The following SLC5A4 variants were observed in gnomAD, a reference collection of about 807,000 sequenced individuals.
The protein encoded by SLC5A4 is solute carrier family 5 member 4.
SLC5A4 carries 55 observed loss-of-function variants against 70.3 expected under a neutral mutation model. The observed-to-expected ratio is 0.78, with a 90% CI of 0.63 to 0.98. The LOEUF (loss-of-function observed/expected upper bound fraction) is 0.98. Among genes scored for constraint, SLC5A4 ranks in the 50% least tolerant of loss-of-function variants. SLC5A4 has a pLI of 0.00. For missense variants in SLC5A4, 735 were observed against 839.2 expected (o/e 0.88, Z 1.53); for synonymous variants, 268 against 305.7 (o/e 0.88, Z 1.29).
chr22:32,255,107 G>T (rs1357506419), intron 1 of SLC5A4, 88 bp downstream of exon 1: 1 of 1,234,314 alleles, frequency 8.1e-7, no homozygotes, highest in Non-Finnish European at 1.2e-6. Context: ...TTTGTGAAAA[G>T]CTTTGTCACA....
the SLC5A4 span, among the ~76,000 whole-genome samples, chr22:32,305,046 C>T: frequency 1.3e-4 from 19 of 151,870 alleles, no homozygotes; most frequent in Middle Eastern, 3.4e-3. Context: ...TTATGTAGGT[C>T]TATTTCTGGG....
chr22:32,236,056 C>T (rs1164228604), intron 7 of SLC5A4, among the ~76,000 whole-genome samples: 1 of 152,132 alleles, frequency 6.6e-6, no homozygotes, highest in East Asian at 1.9e-4. Context: ...CTTAGAGACC[C>T]TAATGCCAGA....
upstream of SLC5A4, among the ~76,000 whole-genome samples, chr22:32,257,659 C>CTTTTTTTTTTT (rs58908133): frequency 0.019 from 2,631 of 141,836 alleles, 81 homozygotes; most frequent in African/African-American, 0.059. Flanking sequence ...GCAAGGTTTT[C>CTTTTTTTTTTT]TTTTTTTTTT....
chr22:32,262,748 G>A, the SLC5A4 span, among the ~76,000 whole-genome samples: 349 of 152,162 alleles, frequency 2.3e-3, 1 homozygote, highest in African/African-American at 5.9e-3. Context: ...ATAAAAGTGC[G>A]TACATCACTA....
At chr22:32,289,100 T>C in the SLC5A4 span, among the ~76,000 whole-genome samples, 5 of 152,240 alleles carry the variant, frequency 3.3e-5, 1 homozygote, top group Admixed American at 3.3e-4. Context: ...TTTTCTGTAA[T>C]TTTTTGTGGC....
At chr22:32,318,638 C>G in the SLC5A4 span, among the ~76,000 whole-genome samples, 1 of 152,180 alleles carries the variant, frequency 6.6e-6, no homozygotes, top group Non-Finnish European at 1.5e-5. Flanking sequence ...GTGGTCCACA[C>G]TAGCAGGATT....
At chr22:32,351,635 G>C in the SLC5A4 span, among the ~76,000 whole-genome samples, 1 of 146,828 alleles carries the variant, frequency 6.8e-6, no homozygotes, top group African/African-American at 2.6e-5. Flanking sequence ...CTGGGAGACA[G>C]AGGTTGCAAT....
chr22:32,304,707 TCA>T, the SLC5A4 span, among the ~76,000 whole-genome samples: 1 of 152,238 alleles, frequency 6.6e-6, no homozygotes, highest in Non-Finnish European at 1.5e-5. Flanking sequence ...TGATAGTATT[TCA>T]CAGAGCAGAA....
chr22:32,305,297 T>C, the SLC5A4 span, among the ~76,000 whole-genome samples: 1 of 150,304 alleles, frequency 6.7e-6, no homozygotes, highest in Non-Finnish European at 1.5e-5. Context: ...CGTGTCTGAC[T>C]GCTCCCGGGC....
the SLC5A4 span, among the ~76,000 whole-genome samples, chr22:32,324,265 A>T: frequency 9.3e-6 from 1 of 107,052 alleles, no homozygotes; most frequent in South Asian, 3.0e-4. Flanking sequence ...ACACACATAT[A>T]TGTATATATA....
chr22:32,254,258 C>T (rs780168012), intron 1 of SLC5A4, 45 bp from the exon 2 acceptor site: 3 of 1,405,098 alleles, frequency 2.1e-6, no homozygotes, highest in South Asian at 1.2e-5. Context: ...CCAGCAAGTG[C>T]ACCCAGACAC....
chr22:32,287,982 G>C, the SLC5A4 span, among the ~76,000 whole-genome samples: 1 of 150,682 alleles, frequency 6.6e-6, no homozygotes, highest in Non-Finnish European at 1.5e-5. Context: ...GAGAGCACTA[G>C]GCAGTTCACT....
rs1274264863 is a variant in SLC5A4, at chr22:32,254,151, G to C, written c.198C>G (p.Ala66=). Reference sequence around the variant, plus strand: ...ACTTCGATCCACTTACCGGCCACCAGGCCATATCACGACCAGCGAGGAAGA... The same window carrying C: ...ACTTCGATCCACTTACCGGCCACCACGCCATATCACGACCAGCGAGGAAGA... The part of the protein sequence containing the change: ...GGFFLAGRDM[A]WWPMGASLFA... The change falls in exon 2 of 15, where the codon GCC becomes GCG. Residue 66 remains alanine, a synonymous_variant. Transcript: ENST00000266086. The C allele has an allele frequency of 4.3e-6, 7 of 1,613,556 alleles. No homozygotes were observed. In the South Asian group the frequency reaches 6.6e-5, roughly 15 times the overall value.
the SLC5A4 span, among the ~76,000 whole-genome samples, chr22:32,338,526 G>C: frequency 6.6e-6 from 1 of 152,080 alleles, no homozygotes; most frequent in East Asian, 1.9e-4. Flanking sequence ...TTAGCCAGGC[G>C]TGGTGGTGGG....
At chr22:32,289,566 G>A in the SLC5A4 span, among the ~76,000 whole-genome samples, 18 of 152,292 alleles carry the variant, frequency 1.2e-4, no homozygotes, top group African/African-American at 4.3e-4. Flanking sequence ...TCTGCCTCCC[G>A]GTTCAAGCGA....
chr22:32,259,844 G>T (rs1192342633), upstream of SLC5A4, among the ~76,000 whole-genome samples: 6 of 152,176 alleles, frequency 3.9e-5, no homozygotes, highest in Non-Finnish European at 1.5e-5. Flanking sequence ...ATTTTTTTGA[G>T]AATACACACC....
At chr22:32,270,991 C>G in the SLC5A4 span, 2 of 521,614 alleles carry the variant, frequency 3.8e-6, no homozygotes, top group Non-Finnish European at 7.0e-6. Flanking sequence ...GCTTGGAGGC[C>G]GAGAGCCTGG....
chr22:32,345,274 GATTA>G, the SLC5A4 span, among the ~76,000 whole-genome samples: 3 of 152,106 alleles, frequency 2.0e-5, no homozygotes, highest in Non-Finnish European at 4.4e-5. Context: ...GATAGAAAAA[GATTA>G]ATTAATAAAG....
the SLC5A4 span, among the ~76,000 whole-genome samples, chr22:32,312,355 A>ACG: frequency 0.013 from 1,808 of 134,812 alleles, 18 homozygotes; most frequent in Non-Finnish European, 0.018. Flanking sequence ...CCCAAATCAC[A>ACG]CGCGCGCGCG....
Sources: allele counts gnomAD v4.1 joint callset (sites outside exome capture counted in the v4.1 genomes callset), GRCh38; gene constraint gnomAD v4.1.1; transcripts MANE v1.5; gene names NCBI Gene and HGNC (gene_info 2026-07-23, HGNC 2026-07-21).